TAOK2: variants seen among roughly 807,000 people sequenced by gnomAD.
TAOK2 encodes the protein TAO kinase 2.
TAOK2 carries 42 observed loss-of-function variants against 122.5 expected under a neutral mutation model. The ratio of observed to expected loss-of-function variants is 0.34; its 90% CI spans 0.27 to 0.44. TAOK2 has a LOEUF of 0.44. Among genes scored for constraint, TAOK2 ranks in the 20% least tolerant of loss-of-function variants. The probability of loss-of-function intolerance (pLI) is 1.00; values close to 1 mark genes in which losing one functional copy is unlikely to be tolerated. For missense variants in TAOK2, 1,264 were observed against 1,644.9 expected (o/e 0.77, Z 4.01); for synonymous variants, 704 against 677.6 (o/e 1.04, Z -0.61).
At position 29,987,105 on chromosome 16, in the gene TAOK2, G is replaced by A. The variant is rs1234999758; in HGVS notation, c.2833G>A (p.Gly945Arg). 4 of 1,613,018 alleles carry A rather than the reference G, an allele frequency of 2.5e-6. No homozygotes were observed. In the Admixed American group the frequency reaches 6.7e-5, roughly 27 times the overall value. The change falls in exon 16 of 16, where the codon GGA becomes AGA. Residue 945 changes from glycine to arginine, a missense_variant. By Grantham distance (125) the Gly-to-Arg change is moderately radical (BLOSUM62 -2). Coordinates refer to ENST00000308893, the MANE Select transcript of TAOK2 (RefSeq NM_016151.4). ...GCCCTGCCCTGCCAGCCAGCTCCCT[G>A]GACTCCTGTCCCATGGCCTCCTGGC... The part of the protein sequence containing the change: ...LRPCPASQLP[G>R]LLSHGLLAGL...
At chr16:29,977,358 A>G (rs1226380391) in intron 1 of TAOK2, among the ~76,000 whole-genome samples, 2 of 152,152 alleles carry the variant, frequency 1.3e-5, no homozygotes, top group African/African-American at 4.8e-5. Context: ...CAGTTGGGGT[A>G]TAGGACTTAT....
rs773698336 is a variant in TAOK2, at chr16:29,985,689, G to A, written c.1820G>A (p.Arg607Gln). 1.9e-6 allele frequency: 3 copies of A among 1,608,460 alleles called. No individual in the cohort carries two copies. Among genetic ancestry groups the A allele is most frequent in the Admixed American group, 1.7e-5 (1 of 58,876 alleles). ...CAGGAGAACCCCAGCACTCCCAAGC[G>A]GGAGAAGGCCGAGTGGCTGCTGCGG... The part of the protein sequence containing the change: ...ELQENPSTPK[R>Q]EKAEWLLRQK... Residue 607 changes from arginine (R) to glutamine (Q), a missense_variant, in exon 15 of 16, where the codon CGG (arginine) becomes CAG (glutamine). Coordinates refer to ENST00000308893, the MANE Select transcript of TAOK2 (RefSeq NM_016151.4). This position sits in a 1 kb window ranked among gnomAD's most constrained non-coding sequence, Gnocchi z 6.9.
At position 29,987,742 on chromosome 16, in the gene TAOK2, G is replaced by A. The variant is rs2069855775; in HGVS notation, c.3470G>A (p.Trp1157Ter). 1 of 1,614,094 alleles carries A rather than the reference G, an allele frequency of 6.2e-7. No homozygotes were observed. The highest frequency in any genetic ancestry group is 1.3e-5 in the African/African-American group (1 of 75,068). The stretch of plus-strand genomic sequence containing the variant: ...AGGGTCTGGGTCCTGTGCAAGGGCT[G>A]GAACTGGCGTCTGGCACGGGCCAGC... ...LARVWVLCKG[W>*]NWRLARASQG... The change falls in exon 16 of 16, where the codon TGG becomes TAG. Residue 1157 changes from tryptophan (W) to a stop codon, truncating the protein, a stop_gained. Transcript: ENST00000308893. LOFTEE classifies it high-confidence loss of function.
In TAOK2 at chr16:29,988,390, G is replaced by A. The variant is rs1192258991; in HGVS notation, c.*410G>A. On this transcript the variant is annotated 3_prime_UTR_variant, in exon 16 of 16. Coordinates refer to ENST00000308893, the MANE Select transcript of TAOK2 (RefSeq NM_016151.4). Reference sequence around the variant, plus strand: ...ACAAACACAAATAAAATATCTGAGCGGAACTGTGCCTTTGGCCCAGGCTGC... The same window carrying A: ...ACAAACACAAATAAAATATCTGAGCAGAACTGTGCCTTTGGCCCAGGCTGC... 1.5e-6 allele frequency: 2 copies of A among 1,308,552 alleles called. No individual in the cohort carries two copies. Among genetic ancestry groups the A allele is most frequent in the Non-Finnish European group, 2.0e-6 (2 of 1,002,310 alleles). 81.1% of individuals were successfully genotyped at this position (1,308,552 alleles called of 1,614,324 possible). A position where few individuals can be genotyped will look rare whatever the true frequency, so the allele number is the denominator to read the frequency against.
chr16:29,985,958 C>T lies in TAOK2; in HGVS notation c.1992+97C>T. The T allele has an allele frequency of 4.3e-6, 6 of 1,410,570 alleles. No homozygotes were observed. Among genetic ancestry groups the T allele is most frequent in the South Asian group, 3.9e-5 (3 of 76,130 alleles). 87.4% of individuals were successfully genotyped at this position (1,410,570 alleles called of 1,614,324 possible). A position where few individuals can be genotyped will look rare whatever the true frequency, so the allele number is the denominator to read the frequency against. On this transcript the variant is annotated intron_variant, in intron 15 of 15. Transcript: ENST00000308893. The surrounding 1 kb of genome is among the most constrained non-coding windows in gnomAD (Gnocchi z 6.9). ...TCATTCTTGTCTTCTTTCTCCTTGG[C>T]CCTCGAGTGTTACAGTTCAGCTTTG...
chr16:29,975,973 T>TA (rs1483920530), intron 1 of TAOK2, among the ~76,000 whole-genome samples: 2 of 152,224 alleles, frequency 1.3e-5, no homozygotes, highest in African/African-American at 4.8e-5. Context: ...TAGGAACAGA[T>TA]AGATACGGGT....
intron 4 of TAOK2, 51 bp from the exon 5 acceptor site, chr16:29,978,743 CTGTTT>C: frequency 6.2e-7 from 1 of 1,605,636 alleles, no homozygotes; most frequent in Non-Finnish European, 8.5e-7. Flanking sequence ...CAAGGAAGCT[CTGTTT>C]TGAGTCCCTG....
Position 29,979,390 on chromosome 16 carries a change from G to T in TAOK2, c.564-27G>T. Reference sequence around the variant, plus strand: ...GTGACAGGGTCTCGGCGGGTGATTTGCCTCTCTCTCCTGACCATTCTCCTA... The same window carrying T: ...GTGACAGGGTCTCGGCGGGTGATTTTCCTCTCTCTCCTGACCATTCTCCTA... On this transcript the variant is annotated intron_variant, in intron 7 of 15. Transcript: ENST00000308893. This position sits in a 1 kb window ranked among gnomAD's most constrained non-coding sequence, Gnocchi z 4.1. 6.2e-7 allele frequency: 1 copy of T among 1,604,456 alleles called. No homozygotes were observed. Among genetic ancestry groups the T allele is most frequent in the East Asian group, 2.2e-5 (1 of 44,780 alleles).
downstream of TAOK2, chr16:29,991,132 C>A: frequency 6.2e-7 from 1 of 1,608,922 alleles, no homozygotes. The surrounding 1 kb of genome is among the most constrained non-coding windows in gnomAD (Gnocchi z 5.6). Flanking sequence ...GAGATCGAGG[C>A]CTTCGATGCG....
rs952317988 is a variant in TAOK2 at position 29,979,531 on chromosome 16, C to T, written c.655+23C>T. ...TGGGTAAGAACATCCTCCCTGTTCCCTCATCATCTTTTCCATTCTTTCCTG... is the reference window on the plus strand; with the variant it reads ...TGGGTAAGAACATCCTCCCTGTTCCTTCATCATCTTTTCCATTCTTTCCTG... On this transcript the variant is annotated intron_variant, in intron 8 of 15. Coordinates refer to ENST00000308893, the MANE Select transcript of TAOK2 (RefSeq NM_016151.4). The surrounding 1 kb of genome is among the most constrained non-coding windows in gnomAD (Gnocchi z 4.1). The T allele has an allele frequency of 4.7e-6, 7 of 1,484,240 alleles. No individual in the cohort carries two copies. The highest frequency in any genetic ancestry group is 2.4e-5 in the East Asian group (1 of 42,504). The allele number at this position is 1,484,240 out of a possible 1,614,324, so 91.9% of individuals were successfully genotyped here.
In TAOK2 at chr16:29,987,545, C is replaced by T. The variant is rs199699883; in HGVS notation, c.3273C>T (p.Arg1091=). Residue 1091 remains arginine, a synonymous_variant, in exon 16 of 16, where the codon CGC becomes CGT. Coordinates refer to ENST00000308893, the MANE Select transcript of TAOK2 (RefSeq NM_016151.4). Reference sequence around the variant, plus strand: ...GACTCTGGTTGCGGGTTCTGCTGCGCCTGTCACCCATGGCCTTCCGGGCCC... The same window carrying T: ...GACTCTGGTTGCGGGTTCTGCTGCGTCTGTCACCCATGGCCTTCCGGGCCC... The part of the protein sequence containing the change: ...ISRLWLRVLL[R]LSPMAFRALQ... 1.7e-5 allele frequency: 27 copies of T among 1,612,258 alleles called. No individual in the cohort carries two copies. The highest frequency in any genetic ancestry group is 2.1e-5 in the Non-Finnish European group (25 of 1,178,910).
chr16:29,988,553 T>C (rs2069888588), downstream of TAOK2: 2 of 985,372 alleles, frequency 2.0e-6, no homozygotes, highest in Non-Finnish European at 2.4e-6. Context: ...TCTGCCTTCA[T>C]AGCTTCATTG....
In TAOK2 at chr16:29,986,328, G is replaced by T; in HGVS notation, c.2056G>T (p.Ala686Ser). Residue 686 changes from alanine to serine, a missense_variant, in exon 16 of 16, where the codon GCC (alanine) becomes TCC (serine). Ala to Ser is a moderately conservative substitution (Grantham distance 99). This residue lies in a region of TAOK2 where 824 missense variants were observed against 908.7 expected (regional missense o/e 0.91). Coordinates refer to ENST00000308893, the MANE Select transcript of TAOK2 (RefSeq NM_016151.4). This position sits in a 1 kb window ranked among gnomAD's most constrained non-coding sequence, Gnocchi z 4.2. ...ECALLLRQHE[A>S]TRELELRQLQ... The stretch of plus-strand genomic sequence containing the variant: ...TGCACTGCTGCTTCGGCAGCACGAG[G>T]CCACGCGGGAGCTGGAGCTGCGGCA... 6.4e-7 allele frequency: 1 copy of T among 1,571,966 alleles called. No individual in the cohort carries two copies. Among genetic ancestry groups the T allele is most frequent in the Non-Finnish European group, 8.6e-7 (1 of 1,156,730 alleles).
chr16:29,977,552 C>G (rs535681185), intron 1 of TAOK2, among the ~76,000 whole-genome samples, 186 bp from the exon 2 acceptor site: 2 of 152,322 alleles, frequency 1.3e-5, no homozygotes, highest in South Asian at 2.1e-4. Context: ...CCCGCGTGAT[C>G]TGGTTGCCAG....
downstream of TAOK2, chr16:29,989,919 C>A: frequency 1.1e-6 from 1 of 913,422 alleles, no homozygotes; most frequent in South Asian, 1.6e-5. Flanking sequence ...ACTTGGGAAA[C>A]TCACATACTC....
Position 29,987,896 on chromosome 16 carries a change from TGCCTCCCGCCA to T in TAOK2, c.3628_3638del (p.Ser1210ThrfsTer36). ...GCAGCCAGCGCCAGCTAGGGCCCCC[TGCCTCCCGCCA>T]GCCACTGCCAGGGACTCTAGCCGGG... is the stretch of plus-strand genomic sequence containing the variant. On this transcript the variant is annotated frameshift_variant, in exon 16 of 16. Transcript: ENST00000308893. LOFTEE classifies it high-confidence loss of function. 1 of 1,593,182 alleles carries T rather than the reference TGCCTCCCGCCA, an allele frequency of 6.3e-7. No homozygotes were observed. The highest frequency in any genetic ancestry group is 8.5e-7 in the Non-Finnish European group (1 of 1,173,662).
chr16:29,989,752 A>C (rs2069923664), downstream of TAOK2: 1 of 1,613,958 alleles, frequency 6.2e-7, no homozygotes, highest in Non-Finnish European at 8.5e-7. Flanking sequence ...CAAGCTGGCG[A>C]TCTTGGCGGA....
Position 29,983,618 on chromosome 16 carries a change from AC to A in TAOK2, c.1377del (p.Cys460AlafsTer33). ...ACCTCTTCCGCCCGCCGCCGGGCCT[AC>A]TGCCGTAACCGAGACCACTTTGCCA... ...STTSSARRRA[Y>X]CRNRDHFATI... On this transcript the variant is annotated frameshift_variant, in exon 13 of 16. Coordinates refer to ENST00000308893, the MANE Select transcript of TAOK2 (RefSeq NM_016151.4). LOFTEE classifies it high-confidence loss of function. 6.2e-7 allele frequency: 1 copy of A among 1,613,546 alleles called. No individual in the cohort carries two copies. Among genetic ancestry groups the A allele is most frequent in the Non-Finnish European group, 8.5e-7 (1 of 1,179,976 alleles).
downstream of TAOK2, chr16:29,989,895 G>A (rs2069927049): frequency 7.3e-7 from 1 of 1,364,862 alleles, no homozygotes; most frequent in African/African-American, 1.5e-5. Context: ...CATGCACAGA[G>A]CTGGGGCTTT....
Sources: gnomAD v4.1 joint callset for allele counts (sites outside exome capture counted in the v4.1 genomes callset) on GRCh38, gnomAD v4.1.1 for gene constraint, gnomAD v4.1.1 regional missense constraint, Gnocchi (gnomAD v3.1) non-coding constraint, MANE v1.5 for transcripts, NCBI Gene and HGNC (gene_info 2026-07-23, HGNC 2026-07-21) for gene names.